TTC38: variants seen among roughly 807,000 people sequenced by gnomAD.
TTC38 encodes the protein tetratricopeptide repeat domain 38.
Under a neutral mutation model 64.2 loss-of-function variants are expected in TTC38, and 64 were observed. The ratio of observed to expected loss-of-function variants is 1.00; its 90% CI spans 0.81 to 1.23. The LOEUF (loss-of-function observed/expected upper bound fraction) is 1.23, where lower values mean the gene tolerates loss of function less well. Ranked by LOEUF, TTC38 falls within the 50% of genes most tolerant of loss-of-function variation. The probability of loss-of-function intolerance (pLI) is 0.00; values close to 1 mark genes in which losing one functional copy is unlikely to be tolerated. For missense variants in TTC38, 573 were observed against 615.5 expected, an observed-to-expected ratio of 0.93 and a Z score of 0.73; for synonymous variants, 254 against 249.3, an observed-to-expected ratio of 1.02 and a Z score of -0.18.
rs142394264 is a variant in TTC38, at chr22:46,290,862, G to A, written c.1316+963G>A. Reference sequence around the variant, plus strand: ...TGCGTAGCCCGTGTGCCTGAGCGGCGAGTTTGACACCTCTCCTTGCCCATG... The same window carrying A: ...TGCGTAGCCCGTGTGCCTGAGCGGCAAGTTTGACACCTCTCCTTGCCCATG... On this transcript the variant is annotated intron_variant, in intron 13 of 13. Transcript: ENST00000381031. Among the ~76,000 whole-genome samples, 826 of 152,278 alleles carry A rather than the reference G, an allele frequency of 5.4e-3. 6 individuals carry two copies. Among genetic ancestry groups the A allele is most frequent in the Non-Finnish European group, 8.8e-3 (599 of 68,014 alleles).
chr22:46,271,819 C>G lies in TTC38; in HGVS notation c.112-516C>G, dbSNP rs553998403. ...AGCCATCGCGCCCAGCCAGAACCTG[C>G]CTTTTGATGTTTCTTTTTTGGAAAT... On this transcript the variant is annotated intron_variant, in intron 2 of 13. Coordinates refer to ENST00000381031, the MANE Select transcript of TTC38 (RefSeq NM_017931.4). This position sits in a 1 kb window ranked among gnomAD's most constrained non-coding sequence, Gnocchi z 5.5. Among the ~76,000 whole-genome samples the G allele has an allele frequency of 5.0e-4, 76 of 152,252 alleles. No individual in the cohort carries two copies. Among genetic ancestry groups the G allele is most frequent in the African/African-American group, 1.7e-3 (72 of 41,558 alleles).
intron 7 of TTC38, among the ~76,000 whole-genome samples, chr22:46,283,093 T>C (rs2077546500): frequency 6.6e-6 from 1 of 151,496 alleles, no homozygotes; most frequent in African/African-American, 2.4e-5. Flanking sequence ...CACACCTGGC[T>C]AATTAAAAAA....
intron 10 of TTC38, among the ~76,000 whole-genome samples, chr22:46,287,994 G>T (rs1406585817): frequency 2.6e-5 from 4 of 152,300 alleles, no homozygotes; most frequent in Admixed American, 2.6e-4. Flanking sequence ...AGGCTGAGGG[G>T]CACAGGAGCC....
rs1199899583 is a variant in TTC38 at position 46,273,858 on chromosome 22, G to C, written c.194-40G>C. ...GTCTGGGCTGGGATGGGCTGAGCTG[G>C]ACCATCTGAACCACCAGCCGTTCTC... On this transcript the variant is annotated intron_variant, in intron 3 of 13. Coordinates refer to ENST00000381031, the MANE Select transcript of TTC38 (RefSeq NM_017931.4). The surrounding 1 kb of genome is among the most constrained non-coding windows in gnomAD (Gnocchi z 5.1). 6.2e-7 allele frequency: 1 copy of C among 1,609,468 alleles called. No individual in the cohort carries two copies. Among genetic ancestry groups the C allele is most frequent in the African/African-American group, 1.3e-5 (1 of 74,836 alleles).
intron 5 of TTC38, 113 bp from the exon 6 acceptor site, chr22:46,278,473 G>T: frequency 1.2e-6 from 1 of 862,052 alleles, no homozygotes; most frequent in Non-Finnish European, 1.9e-6. Context: ...TTCCAAAAAA[G>T]GTCACATTCC....
In TTC38 at chr22:46,285,272, A is replaced by G. The variant is rs2077563561; in HGVS notation, c.827A>G (p.Asp276Gly). The part of the protein sequence containing the change: ...GEYEAALTIY[D>G]THILPSLQAN... ...TATGAGGCCGCGCTGACCATCTACGATACCCACGTAAGTTGCATTCACACC... is the reference window on the plus strand; with the variant it reads ...TATGAGGCCGCGCTGACCATCTACGGTACCCACGTAAGTTGCATTCACACC... The change falls in exon 9 of 14, where the codon GAT (aspartate) becomes GGT (glycine). Residue 276 changes from aspartate (D) to glycine (G), a missense_variant. Coordinates refer to ENST00000381031, the MANE Select transcript of TTC38 (RefSeq NM_017931.4). 1 of 1,614,160 alleles carries G rather than the reference A, an allele frequency of 6.2e-7. No individual in the cohort carries two copies. Among genetic ancestry groups the G allele is most frequent in the Non-Finnish European group, 8.5e-7 (1 of 1,180,004 alleles).
At chr22:46,280,015 G>A in intron 6 of TTC38, 1 of 419,870 alleles carries the variant, frequency 2.4e-6, no homozygotes, top group South Asian at 1.8e-5. Context: ...TGGTGGATAG[G>A]GTCCCCTCCC....
chr22:46,283,117 A>G (rs550271147), intron 7 of TTC38, among the ~76,000 whole-genome samples: 4 of 151,356 alleles, frequency 2.6e-5, no homozygotes, highest in African/African-American at 4.9e-5. Flanking sequence ...TTTTTTTTTT[A>G]GAGAGACAGG....
intron 11 of TTC38, among the ~76,000 whole-genome samples, chr22:46,289,120 G>A (rs6007794): frequency 0.093 from 14,179 of 152,282 alleles, 1,405 homozygotes; most frequent in African/African-American, 0.25. Context: ...CAATCCTGAC[G>A]GTTCTGTTAG....
rs902428970 is a variant in TTC38, at chr22:46,276,975, C to T, written c.539+1554C>T. Among the ~76,000 whole-genome samples, 2 of 150,760 alleles carry T rather than the reference C, an allele frequency of 1.3e-5. No individual in the cohort carries two copies. Among genetic ancestry groups the T allele is most frequent in the African/African-American group, 2.4e-5 (1 of 40,922 alleles). On this transcript the variant is annotated intron_variant, in intron 5 of 13. Transcript: ENST00000381031. The surrounding 1 kb of genome is among the most constrained non-coding windows in gnomAD (Gnocchi z 4.7). ...ATGAAACCTAATAGTACCTGACACA[C>T]AGCAAACATACAATAAATAGCTTAA...
Position 46,276,811 on chromosome 22 carries a change from A to T in TTC38, c.539+1390A>T, listed in dbSNP as rs937863305. Reference sequence around the variant, plus strand: ...ATATATATTAAAAATTATATATTAAAATATATATATTAAATATATATATAT... The same window carrying T: ...ATATATATTAAAAATTATATATTAATATATATATATTAAATATATATATAT... On this transcript the variant is annotated intron_variant, in intron 5 of 13. Transcript: ENST00000381031. This position sits in a 1 kb window ranked among gnomAD's most constrained non-coding sequence, Gnocchi z 4.7. Among the ~76,000 whole-genome samples the T allele has an allele frequency of 2.4e-4, 33 of 138,178 alleles. 2 individuals are homozygous for T. In the South Asian group the frequency reaches 6.6e-3, roughly 27 times the overall value. 90.7% of individuals were successfully genotyped at this position (138,178 alleles called of 152,430 possible).
In TTC38 at chr22:46,276,868, T is replaced by C. The variant is rs907336360; in HGVS notation, c.539+1447T>C. Among the ~76,000 whole-genome samples, 1 of 146,450 alleles carries C rather than the reference T, an allele frequency of 6.8e-6. No homozygotes were observed. The highest frequency in any genetic ancestry group is 1.5e-5 in the Non-Finnish European group (1 of 67,128). The stretch of plus-strand genomic sequence containing the variant: ...ACATATATATATATAAAAAATACTT[T>C]CACCGCAACACCTAGACTGGTGTTT... On this transcript the variant is annotated intron_variant, in intron 5 of 13. Transcript: ENST00000381031. The surrounding 1 kb of genome is among the most constrained non-coding windows in gnomAD (Gnocchi z 4.7).
In TTC38 at chr22:46,273,855, C is replaced by T. The variant is rs1404170309; in HGVS notation, c.194-43C>T. The T allele has an allele frequency of 2.7e-5, 44 of 1,606,584 alleles. No individual in the cohort carries two copies. Among genetic ancestry groups the T allele is most frequent in the Non-Finnish European group, 3.7e-5 (43 of 1,174,876 alleles). On this transcript the variant is annotated intron_variant, in intron 3 of 13. Transcript: ENST00000381031. This position sits in a 1 kb window ranked among gnomAD's most constrained non-coding sequence, Gnocchi z 5.1. Reference sequence around the variant, plus strand: ...GGAGTCTGGGCTGGGATGGGCTGAGCTGGACCATCTGAACCACCAGCCGTT... The same window carrying T: ...GGAGTCTGGGCTGGGATGGGCTGAGTTGGACCATCTGAACCACCAGCCGTT...
rs1936862475 is a variant in TTC38, at chr22:46,270,133, G to A, written c.111+1542G>A. Among the ~76,000 whole-genome samples, 2 of 152,188 alleles carry A rather than the reference G, an allele frequency of 1.3e-5. No homozygotes were observed. The highest frequency in any genetic ancestry group is 2.9e-5 in the Non-Finnish European group (2 of 68,032). On this transcript the variant is annotated intron_variant, in intron 2 of 13. Coordinates refer to ENST00000381031, the MANE Select transcript of TTC38 (RefSeq NM_017931.4). The surrounding 1 kb of genome is among the most constrained non-coding windows in gnomAD (Gnocchi z 4.7). ...TTACACACCACATCCCCAATCAGTG[G>A]CAGCTCATCCTCCCAGCCTGGGTAT...
In TTC38 at chr22:46,291,278, G is replaced by C. The variant is rs910182422; in HGVS notation, c.1316+1379G>C. 4.6e-5 allele frequency among the ~76,000 whole-genome samples: 7 copies of C among 152,230 alleles called. No individual in the cohort carries two copies. Among genetic ancestry groups the C allele is most frequent in the Non-Finnish European group, 8.8e-5 (6 of 68,046 alleles). On this transcript the variant is annotated intron_variant, in intron 13 of 13. Transcript: ENST00000381031. This position sits in a 1 kb window ranked among gnomAD's most constrained non-coding sequence, Gnocchi z 4.6. ...GGGAGTTGGTGCCTCTGGCAGCAGCGGTGGGGAAAGTGGCTGTGTGGACAG... is the reference window on the plus strand; with the variant it reads ...GGGAGTTGGTGCCTCTGGCAGCAGCCGTGGGGAAAGTGGCTGTGTGGACAG...
rs1195406258 is a variant in TTC38, at chr22:46,272,639, TTTTC to T, written c.193+227_193+230del. On this transcript the variant is annotated intron_variant, in intron 3 of 13. Transcript: ENST00000381031. The surrounding 1 kb of genome is among the most constrained non-coding windows in gnomAD (Gnocchi z 6.4). ...TCTATCAGAAGGCATTTTTCTCATC[TTTTC>T]TTTAATTACCATCAATTCGGGAATG... is the stretch of plus-strand genomic sequence containing the variant. Among the ~76,000 whole-genome samples, 1 of 152,194 alleles carries T rather than the reference TTTTC, an allele frequency of 6.6e-6. No homozygotes were observed. The highest frequency in any genetic ancestry group is 2.4e-5 in the African/African-American group (1 of 41,454).
chr22:46,276,824 A>AATATATATATATATATATAAAATATATAT lies in TTC38; in HGVS notation c.539+1420_539+1421insTAAAATATATATATATATATATATATATA, dbSNP rs57859102. The stretch of plus-strand genomic sequence containing the variant: ...ATTATATATTAAAATATATATATTA[A>AATATATATATATATATATAAAATATATAT]ATATATATATATATATAAACATATA... On this transcript the variant is annotated intron_variant, in intron 5 of 13. Transcript: ENST00000381031. This position sits in a 1 kb window ranked among gnomAD's most constrained non-coding sequence, Gnocchi z 4.7. Among the ~76,000 whole-genome samples, 4 of 139,554 alleles carry AATATATATATATATATATAAAATATATAT rather than the reference A, an allele frequency of 2.9e-5. No individual in the cohort carries two copies. Among genetic ancestry groups the AATATATATATATATATATAAAATATATAT allele is most frequent in the African/African-American group, 1.1e-4 (4 of 36,130 alleles). The allele number at this position is 139,554 out of a possible 152,430, so 91.6% of individuals were successfully genotyped here. A position where few individuals can be genotyped will look rare whatever the true frequency, so the allele number is the denominator to read the frequency against.
chr22:46,287,083 G>C lies in TTC38; in HGVS notation c.845G>C (p.Ser282Thr), dbSNP rs748806621. 6 of 1,601,312 alleles carry C rather than the reference G, an allele frequency of 3.7e-6. No individual in the cohort carries two copies. The highest frequency in any genetic ancestry group is 1.3e-5 in the African/African-American group (1 of 74,972). ...CGCCCTGTCTTCCAGATCCTTCCCAGCCTGCAGGCCAACGATGCAATGCTG... is the reference window on the plus strand; with the variant it reads ...CGCCCTGTCTTCCAGATCCTTCCCACCCTGCAGGCCAACGATGCAATGCTG... Reference protein sequence around the residue: ...LTIYDTHILPSLQANDAMLDV... With the variant: ...LTIYDTHILPTLQANDAMLDV... Residue 282 changes from serine to threonine, a missense_variant, in exon 10 of 14, where the codon AGC (serine) becomes ACC (threonine). Transcript: ENST00000381031.
intron 2 of TTC38, among the ~76,000 whole-genome samples, chr22:46,269,886 G>A (rs1021026630): frequency 4.6e-5 from 7 of 152,270 alleles, no homozygotes; most frequent in African/African-American, 7.2e-5. Flanking sequence ...TCTGCCTCTC[G>A]GGTTCAAGCG....
Sources: gnomAD v4.1 joint callset for allele counts (sites outside exome capture counted in the v4.1 genomes callset) on GRCh38, gnomAD v4.1.1 for gene constraint, Gnocchi (gnomAD v3.1) non-coding constraint, MANE v1.5 for transcripts, NCBI Gene and HGNC (gene_info 2026-07-23, HGNC 2026-07-21) for gene names.